Variants in SUPT3H observed in about 807,000 individuals in gnomAD.
SUPT3H encodes SPT3 homolog, SAGA and STAGA complex component, also known as transcription initiation protein SPT3 homolog.
In SUPT3H, 44 loss-of-function variants were observed where a neutral mutation model predicts 44.3. The ratio of observed to expected loss-of-function variants is 0.99; its 90% CI spans 0.78 to 1.28. The LOEUF is 1.28. SUPT3H is among the 50% of genes most tolerant of loss of function. SUPT3H has a pLI of 0.00. For missense variants in SUPT3H, 380 were observed against 387.1 expected (o/e 0.98, Z 0.15); for synonymous variants, 124 against 125.6 (o/e 0.99, Z 0.09).
intron 9 of SUPT3H, among the ~76,000 whole-genome samples, chr6:44,936,323 T>C (rs1161535796): frequency 6.6e-6 from 1 of 152,236 alleles, no homozygotes; most frequent in South Asian, 2.1e-4. Context: ...AGTTCTTATA[T>C]AACTAGAAAA....
intron 9 of SUPT3H, among the ~76,000 whole-genome samples, chr6:44,936,856 AG>A (rs1160421794): frequency 6.6e-6 from 1 of 152,010 alleles, no homozygotes; most frequent in African/African-American, 2.4e-5. Context: ...TAGTAGAGAC[AG>A]GGTTTTGCCA....
chr6:44,901,602 G>C (rs201199432), intron 10 of SUPT3H, among the ~76,000 whole-genome samples: 1 of 147,738 alleles, frequency 6.8e-6, no homozygotes. Context: ...ACACTCTGCA[G>C]GATATTATCC....
At chr6:45,183,844 T>C (rs1372202249) in intron 2 of SUPT3H, among the ~76,000 whole-genome samples, 1 of 152,212 alleles carries the variant, frequency 6.6e-6, no homozygotes, top group Non-Finnish European at 1.5e-5. Context: ...ACCTACTGTA[T>C]GATTCTGATA....
At chr6:45,255,164 G>A (rs1475303649) in intron 2 of SUPT3H, among the ~76,000 whole-genome samples, 1 of 151,998 alleles carries the variant, frequency 6.6e-6, no homozygotes, top group Non-Finnish European at 1.5e-5. Context: ...ATCTGTATGG[G>A]AAAAAACACT....
intron 2 of SUPT3H, among the ~76,000 whole-genome samples, chr6:45,247,182 C>G (rs950138410): frequency 5.9e-5 from 9 of 152,174 alleles, no homozygotes; most frequent in African/African-American, 2.2e-4. Context: ...TTCCTTGAAA[C>G]ATACAAACTA....
chr6:45,255,927 T>A (rs983057570), intron 2 of SUPT3H, among the ~76,000 whole-genome samples: 1 of 152,138 alleles, frequency 6.6e-6, no homozygotes, highest in Non-Finnish European at 1.5e-5. Context: ...ATCCCAGCAC[T>A]TTGGGAGGCC....
intron 2 of SUPT3H, among the ~76,000 whole-genome samples, chr6:45,235,619 C>G (rs926422278): frequency 6.6e-5 from 10 of 152,052 alleles, no homozygotes; most frequent in Non-Finnish European, 1.5e-4. Context: ...AATTTAGGGT[C>G]TCACGTACTA....
intron 2 of SUPT3H, among the ~76,000 whole-genome samples, chr6:45,285,211 C>T (rs1282814419): frequency 1.3e-5 from 2 of 151,358 alleles, no homozygotes; most frequent in Non-Finnish European, 1.5e-5. Context: ...CTCACCACTC[C>T]TATTCAACAT....
chr6:45,001,771 G>A (rs756166645), intron 6 of SUPT3H, among the ~76,000 whole-genome samples: 1 of 152,092 alleles, frequency 6.6e-6, no homozygotes, highest in African/African-American at 2.4e-5. Context: ...TGCCAGGACT[G>A]ATTATTCTAC....
chr6:45,363,936 G>A (rs947398343), intron 2 of SUPT3H, among the ~76,000 whole-genome samples: 2 of 151,542 alleles, frequency 1.3e-5, no homozygotes, highest in African/African-American at 2.4e-5. Context: ...CCAACATGGC[G>A]AAACCCTGTC....
intron 2 of SUPT3H, among the ~76,000 whole-genome samples, chr6:45,246,496 A>C (rs1771368296): frequency 6.6e-6 from 1 of 152,176 alleles, no homozygotes; most frequent in Non-Finnish European, 1.5e-5. Flanking sequence ...TAAAATTATC[A>C]GTCCCATGGT....
chr6:44,867,994 A>C, intron 10 of SUPT3H, among the ~76,000 whole-genome samples: 1 of 146,670 alleles, frequency 6.8e-6, no homozygotes. Context: ...ATGCTAACAC[A>C]CTCACAAAAA....
chr6:45,006,468 C>G (rs551154748), intron 5 of SUPT3H, among the ~76,000 whole-genome samples: 8 of 151,882 alleles, frequency 5.3e-5, no homozygotes, highest in Non-Finnish European at 1.0e-4. Flanking sequence ...ATTCTGTTAA[C>G]GTTTACCACC....
intron 9 of SUPT3H, among the ~76,000 whole-genome samples, chr6:44,939,800 G>C (rs1192630391): frequency 6.6e-6 from 1 of 152,040 alleles, no homozygotes; most frequent in African/African-American, 2.4e-5. Flanking sequence ...TATGTTTCCA[G>C]GAATTTATCC....
At position 45,140,479 on chromosome 6, in the gene SUPT3H, C is replaced by A. The variant is rs184896087; in HGVS notation, c.102-34473G>T. 3.3e-5 allele frequency among the ~76,000 whole-genome samples: 5 copies of A among 152,272 alleles called. No individual in the cohort carries two copies. The East Asian group carries it at 9.7e-4, about 29-fold the overall frequency. On this transcript the variant is annotated intron_variant, in intron 2 of 10. Transcript: ENST00000371459. ...ATTACATCAACTCATGACAGAATAA[C>A]CCTGCTCCCAAGAATGAGAAAACAA...
rs1802029468 is a variant in SUPT3H, at chr6:45,123,883, T to C, written c.102-17877A>G. Among the ~76,000 whole-genome samples the C allele has an allele frequency of 2.6e-5, 4 of 152,320 alleles. No homozygotes were observed. In the South Asian group the frequency reaches 8.3e-4, roughly 32 times the overall value. The stretch of plus-strand genomic sequence containing the variant: ...GAATTCTGCATCTCACATAATTTCA[T>C]CTCATGTAAGTGCTACATCTCATGA... On this transcript the variant is annotated intron_variant, in intron 2 of 10. Transcript: ENST00000371459.
intron 7 of SUPT3H, among the ~76,000 whole-genome samples, chr6:44,957,650 T>G (rs1775411716): frequency 1.3e-5 from 2 of 151,846 alleles, no homozygotes; most frequent in African/African-American, 4.8e-5. Context: ...AGAATTAGCT[T>G]CCTTGCTAGA....
intron 2 of SUPT3H, among the ~76,000 whole-genome samples, chr6:45,158,298 A>ATATTTT: frequency 1.0e-5 from 1 of 99,694 alleles, no homozygotes; most frequent in African/African-American, 5.0e-5. Context: ...ATATATATAT[A>ATATTTT]TTTTTTTTTT....
At position 45,196,329 on chromosome 6, in the gene SUPT3H, C is replaced by T. The variant is rs549043316; in HGVS notation, c.102-90323G>A. Among the ~76,000 whole-genome samples the T allele has an allele frequency of 7.2e-5, 11 of 151,954 alleles. No individual in the cohort carries two copies. In the East Asian group the frequency reaches 2.1e-3, roughly 29 times the overall value. On this transcript the variant is annotated intron_variant, in intron 2 of 10. Coordinates refer to ENST00000371459, the MANE Select transcript of SUPT3H (RefSeq NM_003599.4). ...TAGTAAAAGTGTACTCAGTCTACTG[C>T]AAACATAAATAGCAAATGCACGCTT...
Sources: allele counts gnomAD v4.1 joint callset (sites outside exome capture counted in the v4.1 genomes callset), GRCh38; gene constraint gnomAD v4.1.1; transcripts MANE v1.5; gene names NCBI Gene and HGNC (gene_info 2026-07-23, HGNC 2026-07-21).